Variants in FHAD1 observed in about 807,000 individuals in gnomAD.
FHAD1 encodes the protein forkhead associated phosphopeptide binding domain 1, also known as forkhead-associated domain-containing protein 1.
In FHAD1, 146 loss-of-function variants were observed where a neutral mutation model predicts 191.3. That is an observed-to-expected ratio of 0.76 (90% CI 0.67 to 0.88). The LOEUF (loss-of-function observed/expected upper bound fraction) is 0.88, where lower values mean the gene tolerates loss of function less well. Among genes scored for constraint, FHAD1 ranks in the 40% least tolerant of loss-of-function variants. The pLI is 0.00. For missense variants in FHAD1, 1,635 were observed against 1,785.8 expected, an observed-to-expected ratio of 0.92 and a Z score of 1.52; for synonymous variants, 616 against 672.3, an observed-to-expected ratio of 0.92 and a Z score of 1.29.
chr1:15,362,209 A>G (rs1281552030), intron 22 of FHAD1, among the ~76,000 whole-genome samples: 2 of 152,216 alleles, frequency 1.3e-5, no homozygotes, highest in African/African-American at 4.8e-5. Context: ...GTGAGTGAAC[A>G]TGTGACTGAG....
intron 11 of FHAD1, chr1:15,326,725 G>C (rs1001237354): frequency 9.7e-6 from 2 of 206,770 alleles, no homozygotes; most frequent in African/African-American, 4.6e-5. Context: ...TGCCAACTTA[G>C]CAATTACGGA....
At chr1:15,383,206 G>T (rs1468191323) in intron 31 of FHAD1, 1 of 471,430 alleles carries the variant, frequency 2.1e-6, no homozygotes. Flanking sequence ...GAGGATGAAA[G>T]AATGCAGGCA....
At chr1:15,359,052 G>A (rs1693777397) in intron 21 of FHAD1, among the ~76,000 whole-genome samples, 1 of 151,882 alleles carries the variant, frequency 6.6e-6, no homozygotes, top group African/African-American at 2.4e-5. Context: ...AGTGCCGAAG[G>A]AGACTGCACA....
chr1:15,306,536 C>T (rs779152176), intron 6 of FHAD1, among the ~76,000 whole-genome samples: 28 of 152,276 alleles, frequency 1.8e-4, no homozygotes, highest in African/African-American at 6.5e-4. Flanking sequence ...GCCCAGAGGC[C>T]CAGGAGGAAA....
Position 15,374,593 on chromosome 1 carries a change from G to A in FHAD1, c.3539G>A (p.Arg1180Gln), listed in dbSNP as rs755525500. 1.4e-5 allele frequency: 22 copies of A among 1,551,542 alleles called. No homozygotes were observed. The highest frequency in any genetic ancestry group is 1.7e-5 in the Non-Finnish European group (19 of 1,147,008). The change falls in exon 27 of 34, where the codon CGA becomes CAA. Residue 1180 changes from arginine (R) to glutamine (Q), a missense_variant. Coordinates refer to ENST00000688493, the MANE Select transcript of FHAD1 (RefSeq NM_001391957.1). ...CAGAAAAAGGCCTTATCTGAACTTC[G>A]AGCGCGAATTAAAGAACTCGAGAAG... is the stretch of plus-strand genomic sequence containing the variant. ...QRQKKALSEL[R>Q]ARIKELEKAR... is the part of the protein sequence containing the mutation.
upstream of FHAD1, among the ~76,000 whole-genome samples, chr1:15,245,520 G>C (rs1260344584): frequency 1.3e-5 from 2 of 152,200 alleles, no homozygotes; most frequent in Non-Finnish European, 2.9e-5. Context: ...GTGCATTCCA[G>C]GCAGAGGAAT....
intron 4 of FHAD1, among the ~76,000 whole-genome samples, chr1:15,293,545 C>T (rs1246910549): frequency 4.6e-5 from 7 of 152,050 alleles, no homozygotes; most frequent in South Asian, 2.1e-4. Flanking sequence ...TGGTGAAACC[C>T]CATCTCTACT....
chr1:15,244,978 C>A (rs1303109338), upstream of FHAD1, among the ~76,000 whole-genome samples: 1 of 152,194 alleles, frequency 6.6e-6, no homozygotes, highest in Non-Finnish European at 1.5e-5. The surrounding 1 kb of genome is among the most constrained non-coding windows in gnomAD (Gnocchi z 5.1). Context: ...GCTTCCACTC[C>A]TGGCAGAAAG....
upstream of FHAD1, among the ~76,000 whole-genome samples, chr1:15,245,035 G>C (rs969917278): frequency 6.6e-6 from 1 of 152,164 alleles, no homozygotes; most frequent in Non-Finnish European, 1.5e-5. Flanking sequence ...GGAAGTGAGA[G>C]TGAGCGAGGG....
chr1:15,366,711 A>G (rs923784109), intron 24 of FHAD1, among the ~76,000 whole-genome samples: 7 of 152,202 alleles, frequency 4.6e-5, no homozygotes, highest in African/African-American at 1.7e-4. Context: ...TGACATGGAC[A>G]TGAGTGGCCC....
chr1:15,372,620 G>A (rs1464281912), intron 26 of FHAD1, among the ~76,000 whole-genome samples: 1 of 152,170 alleles, frequency 6.6e-6, no homozygotes, highest in Non-Finnish European at 1.5e-5. Context: ...TAGATGGATA[G>A]GCAACTTCTA....
intron 32 of FHAD1, among the ~76,000 whole-genome samples, chr1:15,390,973 C>A (rs1437000419): frequency 6.6e-6 from 1 of 152,108 alleles, no homozygotes; most frequent in Non-Finnish European, 1.5e-5. Flanking sequence ...GAACAGAGAC[C>A]CCCAAGAGAC....
chr1:15,299,199 C>CAAAA (rs35299485), intron 5 of FHAD1, among the ~76,000 whole-genome samples: 1,831 of 46,324 alleles, frequency 0.04, 138 homozygotes, highest in African/African-American at 0.11. Context: ...GACCCTGTCT[C>CAAAA]AAAAAAAAAA....
At chr1:15,270,729 G>C (rs971915990) in intron 2 of FHAD1, among the ~76,000 whole-genome samples, 6 of 152,096 alleles carry the variant, frequency 3.9e-5, no homozygotes, top group Admixed American at 1.3e-4. Context: ...TGGATGTCTG[G>C]TTGACAGTGC....
chr1:15,303,778 G>A (rs987510312), intron 6 of FHAD1, among the ~76,000 whole-genome samples: 9 of 151,970 alleles, frequency 5.9e-5, no homozygotes, highest in Non-Finnish European at 1.0e-4. Flanking sequence ...GAACTTGGGA[G>A]GTAGAGGTTG....
chr1:15,272,221 T>C, intron 2 of FHAD1, 102 bp from the exon 3 acceptor site: 1 of 1,031,136 alleles, frequency 9.7e-7, no homozygotes, highest in South Asian at 1.5e-5. Flanking sequence ...ATTGTCGTGA[T>C]GATCTGGCGG....
At chr1:15,380,668 C>T in intron 28 of FHAD1, 33 bp from the exon 29 acceptor site, 1 of 1,502,402 alleles carries the variant, frequency 6.7e-7, no homozygotes. Flanking sequence ...AATGGAATGT[C>T]AAGAGAGGCC....
In FHAD1 at chr1:15,329,288, G is replaced by C; in HGVS notation, c.1711-58G>C. On this transcript the variant is annotated intron_variant, in intron 13 of 33. Transcript: ENST00000688493. The surrounding 1 kb of genome is among the most constrained non-coding windows in gnomAD (Gnocchi z 5.0). ...AAGAACGCTGTTCCTCGAAGGTCAC[G>C]TCAGGGGCTATTTCTGGCCACAGGG... The C allele has an allele frequency of 7.0e-7, 1 of 1,424,642 alleles. No individual in the cohort carries two copies. The allele number at this position is 1,424,642 out of a possible 1,614,324, so 88.3% of individuals were successfully genotyped here. A position where few individuals can be genotyped will look rare whatever the true frequency, so the allele number is the denominator to read the frequency against.
At chr1:15,306,096 G>A (rs115440698) in intron 6 of FHAD1, among the ~76,000 whole-genome samples, 1 of 152,192 alleles carries the variant, frequency 6.6e-6, no homozygotes, top group Non-Finnish European at 1.5e-5. Flanking sequence ...TGGATAATAA[G>A]GCCCAGGCTG....
Sources: allele counts gnomAD v4.1 joint callset (sites outside exome capture counted in the v4.1 genomes callset), GRCh38; gene constraint gnomAD v4.1.1; non-coding constraint Gnocchi (gnomAD v3.1); transcripts MANE v1.5; gene names NCBI Gene and HGNC (gene_info 2026-07-23, HGNC 2026-07-21).